Variants in GABRB3 observed in about 807,000 individuals in gnomAD.
GABRB3 encodes gamma-aminobutyric acid type A receptor subunit beta3.
A neutral mutation model predicts 52.1 loss-of-function variants in GABRB3; 14 were observed. That is an observed-to-expected ratio of 0.27 (90% CI 0.18 to 0.42). The LOEUF (loss-of-function observed/expected upper bound fraction) is 0.42, where lower values mean the gene tolerates loss of function less well. Among genes scored for constraint, GABRB3 ranks in the 10% least tolerant of loss-of-function variants. The pLI, the probability that GABRB3 is intolerant of heterozygous loss-of-function variation, is 1.00. For missense variants in GABRB3, 307 were observed against 609.1 expected (o/e 0.50, Z 5.22); for synonymous variants, 260 against 232.3 (o/e 1.12, Z -1.08).
At chr15:26,768,509 T>C (rs1566836276) in intron 3 of GABRB3, among the ~76,000 whole-genome samples, 2 of 152,230 alleles carry the variant, frequency 1.3e-5, no homozygotes, top group Admixed American at 6.5e-5. Context: ...ATGTTTCCTA[T>C]ACTTGCAAAG....
chr15:26,765,534 G>T (rs1234795555), intron 3 of GABRB3, among the ~76,000 whole-genome samples: 1 of 152,066 alleles, frequency 6.6e-6, no homozygotes, highest in Non-Finnish European at 1.5e-5. Context: ...CATTTCATTG[G>T]AAATTTACAT....
At chr15:26,587,124 T>G (rs1387634915) in intron 4 of GABRB3, among the ~76,000 whole-genome samples, 1 of 152,304 alleles carries the variant, frequency 6.6e-6, no homozygotes, top group Middle Eastern at 3.4e-3. Flanking sequence ...ATTAGATTCA[T>G]AAATCGTAAC....
intron 3 of GABRB3, among the ~76,000 whole-genome samples, chr15:26,651,538 G>C (rs1450584331): frequency 6.6e-6 from 1 of 152,152 alleles, no homozygotes; most frequent in Non-Finnish European, 1.5e-5. Flanking sequence ...AAAATCCGTG[G>C]TTAGACCCCA....
intron 3 of GABRB3, among the ~76,000 whole-genome samples, chr15:26,682,716 C>T (rs1467779629): frequency 2.0e-5 from 3 of 152,206 alleles, no homozygotes; most frequent in Non-Finnish European, 2.9e-5. Context: ...TACACTCCCT[C>T]ATGCCTGGAG....
intron 3 of GABRB3, among the ~76,000 whole-genome samples, chr15:26,757,007 T>C (rs974027171): frequency 6.6e-6 from 1 of 152,186 alleles, no homozygotes; most frequent in Non-Finnish European, 1.5e-5. Context: ...GTGGTTTCAC[T>C]TGTATCAGGG....
intron 3 of GABRB3, among the ~76,000 whole-genome samples, chr15:26,647,413 G>A (rs753377825): frequency 5.9e-5 from 9 of 152,164 alleles, no homozygotes; most frequent in Non-Finnish European, 8.8e-5. Context: ...TCATGTCTAA[G>A]AAATCTTTGC....
intron 4 of GABRB3, 113 bp from the exon 5 acceptor site, chr15:26,583,527 T>G: frequency 1.3e-6 from 1 of 775,488 alleles, no homozygotes; most frequent in Non-Finnish European, 2.3e-6. Context: ...AAAGTACGCC[T>G]GGCTAAACAT....
chr15:26,727,909 C>T (rs969977564), intron 3 of GABRB3, among the ~76,000 whole-genome samples: 4 of 152,208 alleles, frequency 2.6e-5, no homozygotes, highest in Non-Finnish European at 5.9e-5. Context: ...TATTTACTCA[C>T]ATCTAGAATA....
At chr15:26,753,800 G>A (rs1838850205) in intron 3 of GABRB3, among the ~76,000 whole-genome samples, 1 of 152,188 alleles carries the variant, frequency 6.6e-6, no homozygotes, top group African/African-American at 2.4e-5. Flanking sequence ...GAATTCCATG[G>A]GGAGCAGCAT....
At chr15:26,737,878 A>AT (rs1370119779) in intron 3 of GABRB3, among the ~76,000 whole-genome samples, 1 of 152,154 alleles carries the variant, frequency 6.6e-6, no homozygotes, top group East Asian at 1.9e-4. Context: ...GTAATATTCT[A>AT]TCGTTTCAAT....
Position 26,583,369 on chromosome 15 carries a change from G to A in GABRB3, c.507C>T (p.Pro169=). The A allele has an allele frequency of 1.9e-6, 3 of 1,614,020 alleles. No individual in the cohort carries two copies. The highest frequency in any genetic ancestry group is 2.5e-6 in the Non-Finnish European group (3 of 1,179,940). Residue 169 remains proline, a synonymous_variant, in exon 5 of 9, where the codon CCC becomes CCT. Transcript: ENST00000311550. ...AACMMDLRRY[P]LDEQNCTLEI... ...CCAGAGTGCAGTTCTGCTCGTCCAG[G>A]GGGTATCTCCTGAGGTCCATCATGC... is the stretch of plus-strand genomic sequence containing the variant.
chr15:26,683,230 A>G (rs1888293584), intron 3 of GABRB3, among the ~76,000 whole-genome samples: 1 of 152,210 alleles, frequency 6.6e-6, no homozygotes. Context: ...AATGTTTAAG[A>G]GAATTGATAA....
At chr15:26,607,239 T>A (rs1271704897) in intron 4 of GABRB3, among the ~76,000 whole-genome samples, 2 of 152,184 alleles carry the variant, frequency 1.3e-5, no homozygotes, top group Non-Finnish European at 2.9e-5. Flanking sequence ...TCAATTAAAC[T>A]CTCTTACATT....
At chr15:26,671,810 G>A (rs1004831406) in intron 3 of GABRB3, among the ~76,000 whole-genome samples, 1 of 152,098 alleles carries the variant, frequency 6.6e-6, no homozygotes, top group Non-Finnish European at 1.5e-5. Flanking sequence ...GCCACGGGGG[G>A]ACAAGGTGGT....
At chr15:26,772,241 C>T in intron 3 of GABRB3, 161 bp downstream of exon 3, 3 of 584,824 alleles carry the variant, frequency 5.1e-6, no homozygotes, top group Non-Finnish European at 5.7e-6. Flanking sequence ...GTGCAGGGAG[C>T]CGGGCAAGCG....
At chr15:26,590,166 T>C (rs1479314229) in intron 4 of GABRB3, 1 of 151,196 alleles carries the variant, frequency 6.6e-6, no homozygotes, top group African/African-American at 2.4e-5. Context: ...CCAACATCAG[T>C]GTGCGAGAGC....
At chr15:26,737,967 A>G (rs1784901064) in intron 3 of GABRB3, among the ~76,000 whole-genome samples, 1 of 152,158 alleles carries the variant, frequency 6.6e-6, no homozygotes, top group African/African-American at 2.4e-5. Flanking sequence ...GTCCTTGTCT[A>G]AGTTCCTGAA....
At chr15:26,709,511 C>CTTT (rs1340109061) in intron 3 of GABRB3, among the ~76,000 whole-genome samples, 1 of 112,490 alleles carries the variant, frequency 8.9e-6, no homozygotes, top group African/African-American at 2.9e-5. Flanking sequence ...TCTTTTTTTT[C>CTTT]TTTCTTTTTT....
Position 26,546,588 on chromosome 15 carries a change from A to G in GABRB3, c.*1205T>C, listed in dbSNP as rs1286358718. ...TGGATGTGCTTATGAAATATGTCAG[A>G]TACAGAAATAAAGGCATGAGGATGA... is the stretch of plus-strand genomic sequence containing the variant. On this transcript the variant is annotated 3_prime_UTR_variant, in exon 9 of 9. Transcript: ENST00000311550. 6.6e-6 allele frequency: 1 copy of G among 152,558 alleles called. No individual in the cohort carries two copies. The highest frequency in any genetic ancestry group is 1.5e-5 in the Non-Finnish European group (1 of 68,032). 9.5% of individuals were successfully genotyped at this position (152,558 alleles called of 1,614,324 possible). A position where few individuals can be genotyped will look rare whatever the true frequency, so the allele number is the denominator to read the frequency against.
Sources: gnomAD v4.1 joint callset for allele counts (sites outside exome capture counted in the v4.1 genomes callset) on GRCh38, gnomAD v4.1.1 for gene constraint, MANE v1.5 for transcripts, NCBI Gene and HGNC (gene_info 2026-07-23, HGNC 2026-07-21) for gene names.